The following TRAPPC9 variants were observed in gnomAD, a reference collection of about 807,000 sequenced individuals.
TRAPPC9 encodes trafficking protein particle complex subunit 9.
In TRAPPC9, 83 loss-of-function variants were observed where a neutral mutation model predicts 124.0. The ratio of observed to expected loss-of-function variants is 0.67; its 90% confidence interval spans 0.56 to 0.80. The LOEUF (loss-of-function observed/expected upper bound fraction) is 0.80, where lower values mean the gene tolerates loss of function less well. Ranked by LOEUF, TRAPPC9 falls within the 30% of genes least tolerant of loss-of-function variation. The probability of loss-of-function intolerance (pLI) is 0.00; values close to 1 mark genes in which losing one functional copy is unlikely to be tolerated. For missense variants in TRAPPC9, 1,302 were observed against 1,508.3 expected (o/e 0.86, Z 2.27); for synonymous variants, 638 against 617.5 (o/e 1.03, Z -0.49).
At chr8:140,425,985 G>A (rs1182258716) in intron 5 of TRAPPC9, among the ~76,000 whole-genome samples, 8 of 152,228 alleles carry the variant, frequency 5.3e-5, no homozygotes, top group Non-Finnish European at 1.0e-4. Context: ...GAAAGCGAAT[G>A]TGTTAGTCAC....
intron 17 of TRAPPC9, among the ~76,000 whole-genome samples, chr8:140,075,521 T>C (rs1277416017): frequency 6.6e-6 from 1 of 152,146 alleles, no homozygotes; most frequent in Non-Finnish European, 1.5e-5. Context: ...CCTCCTCCAT[T>C]AGGAGGGTTT....
intron 21 of TRAPPC9, among the ~76,000 whole-genome samples, chr8:139,779,537 G>A (rs554596463): frequency 7.9e-5 from 12 of 152,104 alleles, no homozygotes; most frequent in South Asian, 4.2e-4. Flanking sequence ...TAAATAAAAC[G>A]TATGACGACA....
At chr8:140,193,930 A>G (rs1056015034) in intron 17 of TRAPPC9, among the ~76,000 whole-genome samples, 6 of 152,360 alleles carry the variant, frequency 3.9e-5, no homozygotes, top group South Asian at 4.1e-4. Flanking sequence ...ACATTTTGTC[A>G]TTTTGCACAA....
intron 17 of TRAPPC9, among the ~76,000 whole-genome samples, chr8:140,129,943 A>C (rs1563784044): frequency 6.6e-6 from 1 of 152,240 alleles, no homozygotes; most frequent in Non-Finnish European, 1.5e-5. Flanking sequence ...TGCACACTTC[A>C]GGCCCCAACT....
intron 15 of TRAPPC9, among the ~76,000 whole-genome samples, chr8:140,261,026 C>T (rs1588032968): frequency 6.6e-6 from 1 of 152,224 alleles, no homozygotes; most frequent in Non-Finnish European, 1.5e-5. Flanking sequence ...CTTACCAGCT[C>T]TTTGAACATG....
intron 21 of TRAPPC9, among the ~76,000 whole-genome samples, chr8:139,858,477 A>G (rs191884073): frequency 2.0e-4 from 31 of 152,308 alleles, no homozygotes; most frequent in African/African-American, 6.5e-4. Flanking sequence ...ATTTTTATCA[A>G]TCTAGAGAAA....
At chr8:140,099,723 C>T (rs1176931386) in intron 17 of TRAPPC9, 1 of 152,260 alleles carries the variant, frequency 6.6e-6, no homozygotes, top group Non-Finnish European at 1.5e-5. Flanking sequence ...CTGACACCCG[C>T]CCGGGTCTCT....
chr8:140,091,970 C>T (rs371967314), intron 17 of TRAPPC9, among the ~76,000 whole-genome samples: 7 of 151,530 alleles, frequency 4.6e-5, no homozygotes, highest in South Asian at 2.1e-4. Flanking sequence ...TCGATTCAGC[C>T]GCAGAACGCT....
intron 21 of TRAPPC9, among the ~76,000 whole-genome samples, chr8:139,765,799 G>A (rs1261162180): frequency 6.6e-6 from 1 of 152,152 alleles, no homozygotes; most frequent in Non-Finnish European, 1.5e-5. Context: ...CTGCCTCCGA[G>A]GTATAACCCA....
chr8:140,351,077 G>A (rs1319389590), intron 9 of TRAPPC9, among the ~76,000 whole-genome samples: 2 of 151,610 alleles, frequency 1.3e-5, no homozygotes, highest in African/African-American at 4.8e-5. Flanking sequence ...AGGTGCAGAG[G>A]GGAGAGGATG....
intron 17 of TRAPPC9, among the ~76,000 whole-genome samples, chr8:140,091,578 T>C (rs1296334535): frequency 2.0e-5 from 3 of 152,108 alleles, no homozygotes; most frequent in South Asian, 2.1e-4. Context: ...GGGGTTCTCT[T>C]TGGAAGATGA....
chr8:140,025,662 C>T (rs1324334800), intron 17 of TRAPPC9, among the ~76,000 whole-genome samples: 2 of 151,992 alleles, frequency 1.3e-5, no homozygotes, highest in African/African-American at 2.4e-5. Context: ...TCACTAGATT[C>T]GTGCAGATTT....
intron 21 of TRAPPC9, among the ~76,000 whole-genome samples, chr8:139,736,617 C>A (rs1465569344): frequency 5.3e-5 from 8 of 152,192 alleles, no homozygotes; most frequent in Admixed American, 5.2e-4. Flanking sequence ...ATGTCCTGGT[C>A]TCCCCTGGGA....
intron 9 of TRAPPC9, among the ~76,000 whole-genome samples, chr8:140,313,130 A>G (rs1004265512): frequency 6.6e-6 from 1 of 152,178 alleles, no homozygotes; most frequent in Non-Finnish European, 1.5e-5. Flanking sequence ...ACAACACAAC[A>G]ATGTTAATCT....
chr8:140,152,355 CTTT>C (rs34124150), intron 17 of TRAPPC9, among the ~76,000 whole-genome samples: 80 of 93,848 alleles, frequency 8.5e-4, no homozygotes, highest in South Asian at 4.1e-3. Context: ...ATATTGCCAT[CTTT>C]TTTTTTTTTT....
chr8:140,003,526 T>C (rs1208929628), intron 18 of TRAPPC9, among the ~76,000 whole-genome samples: 2 of 147,512 alleles, frequency 1.4e-5, no homozygotes, highest in East Asian at 4.0e-4. Flanking sequence ...CGCTTGAACC[T>C]GGGAGGCACA....
intron 21 of TRAPPC9, among the ~76,000 whole-genome samples, chr8:139,782,222 A>C (rs780689403): frequency 3.9e-5 from 6 of 152,148 alleles, no homozygotes; most frequent in Non-Finnish European, 7.3e-5. Flanking sequence ...TCTACTAAAA[A>C]TATAAAAATT....
At chr8:139,884,146 G>A (rs192027388) in intron 21 of TRAPPC9, among the ~76,000 whole-genome samples, 44 of 152,220 alleles carry the variant, frequency 2.9e-4, no homozygotes, top group African/African-American at 9.1e-4. Context: ...TCTCTGTCCT[G>A]TGCCTCTCCA....
intron 19 of TRAPPC9, among the ~76,000 whole-genome samples, chr8:139,930,249 T>G (rs1833057594): frequency 6.6e-6 from 1 of 152,070 alleles, no homozygotes; most frequent in African/African-American, 2.4e-5. Context: ...CCATCCCAAC[T>G]CCTGAGATGG....
Sources: allele counts gnomAD v4.1 joint callset (sites outside exome capture counted in the v4.1 genomes callset), GRCh38; gene constraint gnomAD v4.1.1; transcripts MANE v1.5; gene names NCBI Gene and HGNC (gene_info 2026-07-23, HGNC 2026-07-21).